Variants in CHD6 observed in about 807,000 individuals in gnomAD.
The protein encoded by CHD6 is ATP-dependent chromatin remodeler CHD6.
Under a neutral mutation model 276.9 loss-of-function variants are expected in CHD6, and 50 were observed. That is an observed-to-expected ratio of 0.18 (90% CI 0.14 to 0.23). CHD6 has a LOEUF of 0.23. CHD6 is among the 10% of genes least tolerant of loss of function. The pLI is 1.00. For synonymous variants in CHD6, 1,173 were observed against 1,229.3 expected (o/e 0.95, Z 0.96); for missense variants, 2,564 against 3,365.8 (o/e 0.76, Z 5.89).
rs769067576 is a variant in CHD6 at position 41,452,847 on chromosome 20, G to A, written c.3216C>T (p.Asp1072=). ...TCGTGGGCCTTTCGTCTGAGTCGCT[G>A]TCTAACTCTGAAAACTCCATGAGCT... ...EDELMEFSEL[D]SDSDERPTRS... The change falls in exon 21 of 37, where the codon GAC becomes GAT. Residue 1072 remains aspartate (D), a synonymous_variant. Transcript: ENST00000373233. This position sits in a 1 kb window ranked among gnomAD's most constrained non-coding sequence, Gnocchi z 4.2. 2 of 1,613,486 alleles carry A rather than the reference G, an allele frequency of 1.2e-6. No homozygotes were observed. Among genetic ancestry groups the A allele is most frequent in the East Asian group, 4.5e-5 (2 of 44,846 alleles).
chr20:41,488,861 C>T (rs965921820), intron 12 of CHD6, among the ~76,000 whole-genome samples: 8 of 152,206 alleles, frequency 5.3e-5, no homozygotes, highest in African/African-American at 1.9e-4. Context: ...ATGGAAGGCA[C>T]AGCAAGGGAG....
chr20:41,490,438 C>T (rs1427857742), intron 11 of CHD6, among the ~76,000 whole-genome samples: 1 of 152,172 alleles, frequency 6.6e-6, no homozygotes, highest in Non-Finnish European at 1.5e-5. Flanking sequence ...GCAATTGTAA[C>T]ACCATAGTAA....
In CHD6 at chr20:41,471,119, T is replaced by C. The variant is rs576092597; in HGVS notation, c.2664+2203A>G. ...CTGATAGTAAATATTTTAGGTTTTG[T>C]TGGCTATGAGGTCTCTGTTGCAACT... is the stretch of plus-strand genomic sequence containing the variant. On this transcript the variant is annotated intron_variant, in intron 17 of 36. Coordinates refer to ENST00000373233, the MANE Select transcript of CHD6 (RefSeq NM_032221.5). 8.5e-5 allele frequency among the ~76,000 whole-genome samples: 13 copies of C among 152,378 alleles called. 1 individual carries two copies. Among genetic ancestry groups the C allele is most frequent in the African/African-American group, 3.1e-4 (13 of 41,584 alleles).
chr20:41,440,132 G>C lies in CHD6; in HGVS notation c.3878-3C>G. 6.2e-7 allele frequency: 1 copy of C among 1,612,304 alleles called. No homozygotes were observed. Among genetic ancestry groups the C allele is most frequent in the Non-Finnish European group, 8.5e-7 (1 of 1,178,620 alleles). On this transcript the variant is annotated splice_polypyrimidine_tract_variant and splice_region_variant and intron_variant, in intron 25 of 36. Coordinates refer to ENST00000373233, the MANE Select transcript of CHD6 (RefSeq NM_032221.5). ...CATGGCATTGTACCTTTCATAACCT[G>C]ATCAAGAGTGGTGAGAAATGCCAGA...
intron 36 of CHD6, among the ~76,000 whole-genome samples, chr20:41,408,543 A>T (rs1468928458): frequency 6.6e-6 from 1 of 151,774 alleles, no homozygotes; most frequent in Non-Finnish European, 1.5e-5. Flanking sequence ...TGGGCCAGCC[A>T]CTCTGTCTAC....
At chr20:41,579,910 G>GA (rs2045518438) in intron 1 of CHD6, among the ~76,000 whole-genome samples, 1 of 151,996 alleles carries the variant, frequency 6.6e-6, no homozygotes, top group Non-Finnish European at 1.5e-5. Flanking sequence ...TACAATAAAA[G>GA]AAAAAAATTG....
At chr20:41,406,957 C>A (rs2046695971) in intron 36 of CHD6, among the ~76,000 whole-genome samples, 1 of 152,218 alleles carries the variant, frequency 6.6e-6, no homozygotes, top group Non-Finnish European at 1.5e-5. Flanking sequence ...GTTCTTGCTA[C>A]AAAGTCAGTG....
intron 2 of CHD6, chr20:41,547,857 G>C (rs144564514): frequency 2.9e-4 from 118 of 407,282 alleles, no homozygotes; most frequent in African/African-American, 2.2e-3. Flanking sequence ...CTGCAATGTT[G>C]ATGGCCACCA....
intron 25 of CHD6, among the ~76,000 whole-genome samples, chr20:41,442,126 G>C (rs1038061133): frequency 6.6e-6 from 1 of 152,104 alleles, no homozygotes; most frequent in African/African-American, 2.4e-5. Flanking sequence ...GTTACAGCAG[G>C]CTATGTCTGG....
At chr20:41,591,379 T>TATACACACACAG (rs1416193560) in intron 1 of CHD6, among the ~76,000 whole-genome samples, 16 of 144,100 alleles carry the variant, frequency 1.1e-4, no homozygotes, top group African/African-American at 3.8e-4. Context: ...TATATATATA[T>TATACACACACAG]ACACACACAC....
chr20:41,603,940 T>C (rs568792673), intron 1 of CHD6, among the ~76,000 whole-genome samples: 1 of 148,464 alleles, frequency 6.7e-6, no homozygotes, highest in African/African-American at 2.5e-5. Context: ...CAGCTGGAAA[T>C]GACAGGGTTA....
chr20:41,485,919 C>T (rs533040343), intron 14 of CHD6: 26 of 151,580 alleles, frequency 1.7e-4, no homozygotes, highest in African/African-American at 6.3e-4. Context: ...ACATATTGTA[C>T]GTGATAAATA....
In CHD6 at chr20:41,452,708, TAAC is replaced by T. The variant is rs779715210; in HGVS notation, c.3323+29_3323+31del. Reference sequence around the variant, plus strand: ...AAAAACAGAGGGGAACAAACAACAATAACAACAAAACTAAGCAGAGCCAATACC... The same window carrying T: ...AAAAACAGAGGGGAACAAACAACAATAACAAAACTAAGCAGAGCCAATACC... On this transcript the variant is annotated intron_variant, in intron 21 of 36. Coordinates refer to ENST00000373233, the MANE Select transcript of CHD6 (RefSeq NM_032221.5). This position sits in a 1 kb window ranked among gnomAD's most constrained non-coding sequence, Gnocchi z 4.2. 7.2e-5 allele frequency: 114 copies of T among 1,585,810 alleles called. No individual in the cohort carries two copies. The African/African-American group carries it at 1.4e-3, about 20-fold the overall frequency.
intron 3 of CHD6, among the ~76,000 whole-genome samples, chr20:41,517,851 C>T (rs1008852245): frequency 6.6e-6 from 1 of 152,198 alleles, no homozygotes; most frequent in Non-Finnish European, 1.5e-5. Flanking sequence ...AGCTGAGTCA[C>T]AGGGTATTAC....
rs772655776 is a variant in CHD6 at position 41,413,426 on chromosome 20, C to T, written c.7029G>A (p.Thr2343=). 1.9e-5 allele frequency: 30 copies of T among 1,611,982 alleles called. No individual in the cohort carries two copies. The highest frequency in any genetic ancestry group is 2.2e-4 in the Middle Eastern group (1 of 4,466). The change falls in exon 35 of 37, where the codon ACG becomes ACA. Residue 2343 remains threonine, a synonymous_variant. Coordinates refer to ENST00000373233, the MANE Select transcript of CHD6 (RefSeq NM_032221.5). ...ATTTCTCGGCTTGGCTGCTGGCTGCCGTAGCTGGCTCAGGAGCCGAGGTGG... is the reference window on the plus strand; with the variant it reads ...ATTTCTCGGCTTGGCTGCTGGCTGCTGTAGCTGGCTCAGGAGCCGAGGTGG... The part of the protein sequence containing the change: ...GPATSAPEPA[T]AASSQAEKSI...
At chr20:41,469,623 C>T (rs2043008028) in intron 17 of CHD6, among the ~76,000 whole-genome samples, 1 of 152,194 alleles carries the variant, frequency 6.6e-6, no homozygotes, top group African/African-American at 2.4e-5. Context: ...CTTGCTGCTG[C>T]TGATGTGCCA....
chr20:41,518,529 G>T (rs1036017134), intron 3 of CHD6, among the ~76,000 whole-genome samples: 1 of 152,164 alleles, frequency 6.6e-6, no homozygotes. Context: ...GACAGAAGCT[G>T]GGGGTTAGGT....
At chr20:41,469,359 A>C (rs148555134) in intron 17 of CHD6, among the ~76,000 whole-genome samples, 1 of 152,300 alleles carries the variant, frequency 6.6e-6, no homozygotes, top group African/African-American at 2.4e-5. Flanking sequence ...AGATGCAAAA[A>C]GTCCCCCAGA....
chr20:41,593,484 T>G (rs2045685560), intron 1 of CHD6, among the ~76,000 whole-genome samples: 1 of 152,192 alleles, frequency 6.6e-6, no homozygotes, highest in Non-Finnish European at 1.5e-5. Context: ...GGGTCCCACA[T>G]GACTTTGGCC....
Sources: allele counts gnomAD v4.1 joint callset (sites outside exome capture counted in the v4.1 genomes callset), GRCh38; gene constraint gnomAD v4.1.1; non-coding constraint Gnocchi (gnomAD v3.1); transcripts MANE v1.5; gene names NCBI Gene and HGNC (gene_info 2026-07-23, HGNC 2026-07-21).